The following ZMYM2 variants were observed in gnomAD, a reference collection of about 807,000 sequenced individuals.
The protein encoded by ZMYM2 is zinc finger MYM-type protein 2.
ZMYM2 carries 56 observed loss-of-function variants against 162.8 expected under a neutral mutation model. The ratio of observed to expected loss-of-function variants is 0.34; its 90% CI spans 0.28 to 0.43. The LOEUF is 0.43. Ranked by LOEUF, ZMYM2 falls within the 20% of genes least tolerant of loss-of-function variation. The pLI is 1.00. For synonymous variants in ZMYM2, 510 were observed against 541.6 expected (o/e 0.94, Z 0.81); for missense variants, 1,275 against 1,621.8 (o/e 0.79, Z 3.67).
At chr13:19,975,852 CA>C (rs1956731664) in intron 2 of ZMYM2, among the ~76,000 whole-genome samples, 1 of 133,080 alleles carries the variant, frequency 7.5e-6, no homozygotes, top group African/African-American at 2.6e-5. Flanking sequence ...ATTTTTCCTC[CA>C]TTTTTAAAAT....
chr13:20,060,284 T>C (rs1394431248), intron 16 of ZMYM2, among the ~76,000 whole-genome samples: 1 of 152,176 alleles, frequency 6.6e-6, no homozygotes, highest in Admixed American at 6.5e-5. Flanking sequence ...ATTGATTGCT[T>C]TGTGTATAGT....
At chr13:19,998,722 G>T (rs1261633962) in intron 3 of ZMYM2, among the ~76,000 whole-genome samples, 1 of 152,158 alleles carries the variant, frequency 6.6e-6, no homozygotes, top group Non-Finnish European at 1.5e-5. Flanking sequence ...ATACAGTCAG[G>T]TAAGATCTGA....
chr13:19,947,315 C>T, the ZMYM2 span, among the ~76,000 whole-genome samples: 1 of 152,128 alleles, frequency 6.6e-6, no homozygotes, highest in African/African-American at 2.4e-5. Flanking sequence ...CAGCCTCAGC[C>T]TCCCAAAGTG....
chr13:20,059,982 C>T (rs958092998), intron 16 of ZMYM2, among the ~76,000 whole-genome samples: 2 of 151,982 alleles, frequency 1.3e-5, no homozygotes, highest in Admixed American at 6.6e-5. Flanking sequence ...TGCAATGAGC[C>T]GTGATTGCAC....
chr13:19,991,189 C>G, intron 2 of ZMYM2, among the ~76,000 whole-genome samples: 1 of 151,976 alleles, frequency 6.6e-6, no homozygotes, highest in Admixed American at 6.6e-5. Context: ...TCGTAGCTCA[C>G]TGCAACCTCG....
intron 2 of ZMYM2, among the ~76,000 whole-genome samples, chr13:19,981,214 G>C (rs1353080462): frequency 3.3e-5 from 5 of 152,156 alleles, no homozygotes; most frequent in Admixed American, 2.6e-4. Context: ...CAAGGCTGCA[G>C]TGAGCTATGA....
At chr13:20,054,266 A>C (rs1955611440) in intron 14 of ZMYM2, among the ~76,000 whole-genome samples, 1 of 152,202 alleles carries the variant, frequency 6.6e-6, no homozygotes, top group Non-Finnish European at 1.5e-5. Context: ...TATAGTACCT[A>C]CCTCATGTTG....
chr13:19,902,540 C>T, the ZMYM2 span, among the ~76,000 whole-genome samples: 2 of 152,104 alleles, frequency 1.3e-5, no homozygotes, highest in African/African-American at 2.4e-5. Flanking sequence ...TGCTTGAACC[C>T]GGGAGGCAGA....
chr13:20,047,409 A>G (rs1382807401), intron 12 of ZMYM2, among the ~76,000 whole-genome samples: 3 of 152,188 alleles, frequency 2.0e-5, no homozygotes, highest in Non-Finnish European at 2.9e-5. Flanking sequence ...ATATTAGTAC[A>G]TTAAAACCTA....
intron 3 of ZMYM2, among the ~76,000 whole-genome samples, chr13:19,997,938 T>G (rs1177621456): frequency 2.0e-5 from 3 of 152,172 alleles, no homozygotes; most frequent in Non-Finnish European, 4.4e-5. Flanking sequence ...TAATTATTTT[T>G]AAGAATATTC....
At chr13:19,985,431 T>C (rs1166622606) in intron 2 of ZMYM2, among the ~76,000 whole-genome samples, 2 of 152,200 alleles carry the variant, frequency 1.3e-5, no homozygotes, top group East Asian at 3.8e-4. Flanking sequence ...GCCCCATTCA[T>C]TGTTTTTTAA....
the ZMYM2 span, among the ~76,000 whole-genome samples, chr13:19,926,738 G>A: frequency 6.6e-6 from 1 of 152,096 alleles, no homozygotes; most frequent in Admixed American, 6.6e-5. Flanking sequence ...CGCAATCCCT[G>A]CTCACTGCAA....
chr13:20,002,080 C>T (rs1001314880), intron 3 of ZMYM2, among the ~76,000 whole-genome samples: 4 of 152,108 alleles, frequency 2.6e-5, no homozygotes, highest in African/African-American at 9.7e-5. Flanking sequence ...GTGTAACACT[C>T]TTTCTATGAG....
Position 20,033,745 on chromosome 13 carries a change from A to G in ZMYM2, c.1969-509A>G, listed in dbSNP as rs539974915. On this transcript the variant is annotated intron_variant, in intron 10 of 24. Coordinates refer to ENST00000610343, the MANE Select transcript of ZMYM2 (RefSeq NM_197968.4). ...TTACTAATCATGTTCCATTCAAGGGAAACAACTCAGTCTCAGGTTCAGCAG... is the reference window on the plus strand; with the variant it reads ...TTACTAATCATGTTCCATTCAAGGGGAACAACTCAGTCTCAGGTTCAGCAG... Among the ~76,000 whole-genome samples, 8 of 152,288 alleles carry G rather than the reference A, an allele frequency of 5.3e-5. No homozygotes were observed. The South Asian group carries it at 1.5e-3, about 28-fold the overall frequency.
chr13:19,915,426 TCTTTCTTTCTTTCTTC>T, the ZMYM2 span, among the ~76,000 whole-genome samples: 22 of 151,952 alleles, frequency 1.4e-4, no homozygotes, highest in Admixed American at 3.3e-4. Context: ...TTTCTTTCTT[TCTTTCTTTCTTTCTTC>T]CTTTCTTTCT....
intron 2 of ZMYM2, among the ~76,000 whole-genome samples, chr13:19,983,147 CTT>C (rs536615645): frequency 9.9e-5 from 14 of 141,920 alleles, no homozygotes; most frequent in East Asian, 2.0e-4. Flanking sequence ...CCCACTTTCA[CTT>C]TTTTTTTTTT....
the ZMYM2 span, among the ~76,000 whole-genome samples, chr13:19,898,865 A>G: frequency 6.6e-6 from 1 of 151,920 alleles, no homozygotes; most frequent in African/African-American, 2.4e-5. Context: ...ATTTGAGGCT[A>G]GAGACTATAG....
intron 9 of ZMYM2, chr13:20,028,066 T>C (rs2140270996): frequency 5.6e-6 from 1 of 177,970 alleles, no homozygotes; most frequent in South Asian, 2.0e-4. Context: ...TTATTCCAGG[T>C]ACTGTGCTCT....
the ZMYM2 span, among the ~76,000 whole-genome samples, chr13:19,919,780 C>T: frequency 4.0e-5 from 6 of 151,732 alleles, no homozygotes; most frequent in East Asian, 1.2e-3. Flanking sequence ...CAGGTTCAAG[C>T]AGTTCTCCTG....
Sources: allele counts gnomAD v4.1 joint callset (sites outside exome capture counted in the v4.1 genomes callset), GRCh38; gene constraint gnomAD v4.1.1; transcripts MANE v1.5; gene names NCBI Gene and HGNC (gene_info 2026-07-23, HGNC 2026-07-21).